Variants in CFAP45 observed in about 807,000 individuals in gnomAD.
The protein encoded by CFAP45 is cilia- and flagella-associated protein 45.
In CFAP45, 43 loss-of-function variants were observed where a neutral mutation model predicts 75.6. The observed-to-expected ratio is 0.57, with a 90% CI of 0.45 to 0.73. The LOEUF is 0.73. CFAP45 is among the 30% of genes least tolerant of loss of function. The probability of loss-of-function intolerance (pLI) is 0.00; values close to 1 mark genes in which losing one functional copy is unlikely to be tolerated. For missense variants in CFAP45, 689 were observed against 701.5 expected, an observed-to-expected ratio of 0.98 and a Z score of 0.20; for synonymous variants, 223 against 244.6, an observed-to-expected ratio of 0.91 and a Z score of 0.82.
chr1:159,898,557 C>T (rs1356725461), intron 1 of CFAP45, among the ~76,000 whole-genome samples: 1 of 152,216 alleles, frequency 6.6e-6, no homozygotes, highest in East Asian at 1.9e-4. Context: ...TACAGAGGGG[C>T]TCAGTGAGTG....
At chr1:159,873,249 G>A in intron 10 of CFAP45, 81 bp from the exon 11 acceptor site, 3 of 1,187,468 alleles carry the variant, frequency 2.5e-6, no homozygotes, top group East Asian at 2.5e-5. Flanking sequence ...CCTCCTGGGT[G>A]GGCTCCTTCA....
chr1:159,876,679 G>GC lies in CFAP45; in HGVS notation c.1228dup (p.Ala410GlyfsTer10). 1 of 1,614,154 alleles carries GC rather than the reference G, an allele frequency of 6.2e-7. No homozygotes were observed. ...AGCCTCTGTTTCCATCTTCTTCCGC[G>GC]CATTTTCCTTTTCCTTTCTGCGCCA... is the stretch of plus-strand genomic sequence containing the variant. On this transcript the variant is annotated frameshift_variant, in exon 10 of 12. Transcript: ENST00000368099. LOFTEE classifies it high-confidence loss of function.
intron 1 of CFAP45, among the ~76,000 whole-genome samples, chr1:159,894,607 A>G (rs1649910140): frequency 6.6e-6 from 1 of 152,198 alleles, no homozygotes; most frequent in Non-Finnish European, 1.5e-5. Flanking sequence ...TTTCTCTCCC[A>G]AGACCCTTTT....
chr1:159,887,791 G>C (rs370382219), intron 5 of CFAP45, 50 bp downstream of exon 5: 3 of 1,558,830 alleles, frequency 1.9e-6, no homozygotes, highest in Non-Finnish European at 1.7e-6. Flanking sequence ...AGGGGAGGGC[G>C]GAGGGATGGC....
rs113053226 is a variant in CFAP45 at position 159,896,578 on chromosome 1, A to G, written c.4-3273T>C. 1.9e-3 allele frequency among the ~76,000 whole-genome samples: 286 copies of G among 152,344 alleles called. 4 individuals are homozygous for G. Among genetic ancestry groups the G allele is most frequent in the African/African-American group, 6.0e-3 (248 of 41,576 alleles). ...AGCGAAGAAGTTCTTTAAGGAGGTG[A>G]CGGGCTGGTTTTCTTCTTTGCATGA... is the stretch of plus-strand genomic sequence containing the variant. On this transcript the variant is annotated intron_variant, in intron 1 of 11. Coordinates refer to ENST00000368099, the MANE Select transcript of CFAP45 (RefSeq NM_012337.3).
At chr1:159,875,919 A>G (rs1375438245) in intron 10 of CFAP45, among the ~76,000 whole-genome samples, 3 of 152,242 alleles carry the variant, frequency 2.0e-5, no homozygotes, top group Non-Finnish European at 2.9e-5. Context: ...CATTGAGCCA[A>G]AAGGGAAAAC....
rs562498156 is a variant in CFAP45, at chr1:159,887,343, C to T, written c.588+498G>A. ...ACTTTTCATTTGGTAAGGAAGTGAACCACATGCAAATGAGTTACAACAGAA... is the reference window on the plus strand; with the variant it reads ...ACTTTTCATTTGGTAAGGAAGTGAATCACATGCAAATGAGTTACAACAGAA... On this transcript the variant is annotated intron_variant, in intron 5 of 11. Coordinates refer to ENST00000368099, the MANE Select transcript of CFAP45 (RefSeq NM_012337.3). 5.9e-5 allele frequency among the ~76,000 whole-genome samples: 9 copies of T among 152,314 alleles called. No homozygotes were observed. In the East Asian group the frequency reaches 1.2e-3, roughly 20 times the overall value.
chr1:159,874,651 C>T (rs761883362), intron 10 of CFAP45, among the ~76,000 whole-genome samples: 15 of 152,256 alleles, frequency 9.9e-5, no homozygotes, highest in Middle Eastern at 6.8e-3. Context: ...CCCGGTGGTG[C>T]CAGGCAGTTG....
intron 1 of CFAP45, among the ~76,000 whole-genome samples, chr1:159,897,028 C>A (rs1207833878): frequency 2.6e-5 from 4 of 152,118 alleles, no homozygotes; most frequent in Non-Finnish European, 5.9e-5. Flanking sequence ...CTTTGGGAGG[C>A]CAAGGTGGGT....
rs371407126 is a variant in CFAP45 at position 159,873,388 on chromosome 1, G to A, written c.1353-220C>T. ...CCCAGCCAGGACTAGCTCCAGGGTCGCATGACTGTATGTCATGGGCATGCT... is the reference window on the plus strand; with the variant it reads ...CCCAGCCAGGACTAGCTCCAGGGTCACATGACTGTATGTCATGGGCATGCT... On this transcript the variant is annotated intron_variant, in intron 10 of 11. Transcript: ENST00000368099. The A allele has an allele frequency of 4.1e-4, 238 of 586,888 alleles. 1 individual carries two copies. Among genetic ancestry groups the A allele is most frequent in the South Asian group, 2.5e-3 (123 of 48,318 alleles). The allele number at this position is 586,888 out of a possible 1,614,324, so 36.4% of individuals were successfully genotyped here. A position where few individuals can be genotyped will look rare whatever the true frequency, so the allele number is the denominator to read the frequency against.
intron 10 of CFAP45, chr1:159,873,469 A>C: frequency 2.4e-6 from 1 of 415,406 alleles, no homozygotes. Context: ...GAAATTCTTA[A>C]TAATTTTTGA....
In CFAP45 at chr1:159,872,454, G is replaced by A. The variant is rs200919640; in HGVS notation, c.*31C>T. 1.4e-4 allele frequency: 226 copies of A among 1,576,306 alleles called. 2 individuals are homozygous for A. In the East Asian group the frequency reaches 3.7e-3, roughly 26 times the overall value. The stretch of plus-strand genomic sequence containing the variant: ...AGAGACTGGGCAGAATCTGTCCCCC[G>A]AAGGCATCCTGAGGGCCACGAAGGC... On this transcript the variant is annotated 3_prime_UTR_variant, in exon 12 of 12. Coordinates refer to ENST00000368099, the MANE Select transcript of CFAP45 (RefSeq NM_012337.3).
intron 3 of CFAP45, among the ~76,000 whole-genome samples, chr1:159,889,417 G>A (rs1649774270): frequency 6.6e-6 from 1 of 152,084 alleles, no homozygotes; most frequent in East Asian, 1.9e-4. Flanking sequence ...GTTGGGGGAG[G>A]GTGGTCCAGG....
intron 10 of CFAP45, among the ~76,000 whole-genome samples, chr1:159,875,514 C>T (rs1649379355): frequency 6.6e-6 from 1 of 152,176 alleles, no homozygotes; most frequent in African/African-American, 2.4e-5. Flanking sequence ...CCTGCTCTGC[C>T]TCTAACTAGG....
intron 6 of CFAP45, among the ~76,000 whole-genome samples, chr1:159,885,009 T>C (rs889560251): frequency 6.6e-6 from 1 of 152,168 alleles, no homozygotes; most frequent in East Asian, 1.9e-4. Flanking sequence ...TGATTCCCTA[T>C]GTGTTAGTGG....
Position 159,888,493 on chromosome 1 carries a change from A to C in CFAP45, c.276T>G (p.Val92=), listed in dbSNP as rs1241847387. Residue 92 remains valine (V), a synonymous_variant, in exon 4 of 12, where the codon GTT becomes GTG. Transcript: ENST00000368099. The stretch of plus-strand genomic sequence containing the variant: ...ACTCCCCGGAGGGATCCTCTGTGGG[A>C]ACACTGTCACAAGAATAAACAGAGT... ...ITRDMVRELI[V]PTEDPSGESL... is the part of the protein sequence containing the mutation. The C allele has an allele frequency of 5.8e-5, 91 of 1,580,336 alleles. No individual in the cohort carries two copies. Among genetic ancestry groups the C allele is most frequent in the Non-Finnish European group, 7.9e-5 (91 of 1,151,176 alleles).
At chr1:159,879,405 A>G (rs1308256063) in intron 8 of CFAP45, among the ~76,000 whole-genome samples, 1 of 152,200 alleles carries the variant, frequency 6.6e-6, no homozygotes, top group African/African-American at 2.4e-5. Context: ...GCCTAGTCTG[A>G]CTGGACACAT....
At chr1:159,889,204 G>A (rs1014625246) in intron 3 of CFAP45, among the ~76,000 whole-genome samples, 1 of 149,290 alleles carries the variant, frequency 6.7e-6, no homozygotes. Context: ...GCTATCCAAC[G>A]CATTCAACAA....
chr1:159,887,316 G>T (rs1004184259), intron 5 of CFAP45, among the ~76,000 whole-genome samples: 2 of 152,216 alleles, frequency 1.3e-5, no homozygotes, highest in African/African-American at 4.8e-5. Flanking sequence ...TGGGGAATCA[G>T]CACTTTTCAT....
Sources: gnomAD v4.1 joint callset for allele counts (sites outside exome capture counted in the v4.1 genomes callset) on GRCh38, gnomAD v4.1.1 for gene constraint, MANE v1.5 for transcripts, NCBI Gene and HGNC (gene_info 2026-07-23, HGNC 2026-07-21) for gene names.